LMBRD1: variants seen among roughly 807,000 people sequenced by gnomAD.
LMBRD1 encodes the protein lysosomal cobalamin transport escort protein LMBD1.
LMBRD1 carries 64 observed loss-of-function variants against 74.8 expected under a neutral mutation model. The observed-to-expected ratio is 0.86, with a 90% CI of 0.70 to 1.05. LMBRD1 has a LOEUF of 1.05. LMBRD1 is among the 50% of genes least tolerant of loss of function. LMBRD1 has a pLI of 0.00. For synonymous variants in LMBRD1, 204 were observed against 216.3 expected (o/e 0.94, Z 0.50); for missense variants, 652 against 645.9 (o/e 1.01, Z -0.10).
intron 8 of LMBRD1, among the ~76,000 whole-genome samples, chr6:69,717,307 T>C (rs1582082162): frequency 6.6e-6 from 1 of 152,264 alleles, no homozygotes; most frequent in East Asian, 1.9e-4. Context: ...TCCATGCTTA[T>C]ATGTAAATTC....
chr6:69,722,601 C>CAGTGTTAA (rs56961497), intron 7 of LMBRD1, among the ~76,000 whole-genome samples: 17,551 of 151,982 alleles, frequency 0.12, 2,797 homozygotes, highest in African/African-American at 0.36. Context: ...TATATGTAGT[C>CAGTGTTAA]AGTGTTAAGT....
chr6:69,710,856 G>T (rs1026285594), intron 9 of LMBRD1, among the ~76,000 whole-genome samples: 1 of 152,146 alleles, frequency 6.6e-6, no homozygotes. Flanking sequence ...TCTTATTGCT[G>T]TGGGAATGCA....
intron 14 of LMBRD1, among the ~76,000 whole-genome samples, chr6:69,688,077 A>ATATTTATATTTAG (rs1386792609): frequency 2.6e-5 from 4 of 152,136 alleles, no homozygotes; most frequent in African/African-American, 9.6e-5. Context: ...GACTACCATT[A>ATATTTATATTTAG]GGCTCACAGT....
intron 7 of LMBRD1, among the ~76,000 whole-genome samples, chr6:69,724,311 T>C (rs571453949): frequency 1.7e-4 from 25 of 143,674 alleles, no homozygotes; most frequent in Non-Finnish European, 3.0e-4. Context: ...TCTAGTTTCA[T>C]TCTATAAGAC....
intron 3 of LMBRD1, among the ~76,000 whole-genome samples, chr6:69,777,192 C>T (rs1765723264): frequency 6.6e-6 from 1 of 152,004 alleles, no homozygotes; most frequent in African/African-American, 2.4e-5. Flanking sequence ...TGGCTCCCAT[C>T]TGTAATCCCA....
chr6:69,756,929 C>A (rs926440325), intron 3 of LMBRD1, among the ~76,000 whole-genome samples: 1 of 152,118 alleles, frequency 6.6e-6, no homozygotes, highest in Non-Finnish European at 1.5e-5. Context: ...AGGAGTTAGT[C>A]AAAGGTAAGC....
At chr6:69,778,620 T>C (rs564966353) in intron 3 of LMBRD1, among the ~76,000 whole-genome samples, 2 of 152,166 alleles carry the variant, frequency 1.3e-5, no homozygotes, top group Non-Finnish European at 2.9e-5. Context: ...CACTTTAGTG[T>C]CATACAGGTG....
At chr6:69,757,433 G>A (rs1371521413) in intron 3 of LMBRD1, among the ~76,000 whole-genome samples, 1 of 152,172 alleles carries the variant, frequency 6.6e-6, no homozygotes, top group African/African-American at 2.4e-5. Flanking sequence ...AGTAGTCAAT[G>A]ATTCAAAATA....
chr6:69,705,558 T>TG, intron 9 of LMBRD1: 3 of 1,270,874 alleles, frequency 2.4e-6, no homozygotes, highest in South Asian at 2.4e-5. Context: ...ATTTGGCTTT[T>TG]GTGCATTTTT....
intron 7 of LMBRD1, among the ~76,000 whole-genome samples, chr6:69,726,164 T>G (rs1190269098): frequency 6.6e-6 from 1 of 152,090 alleles, no homozygotes; most frequent in African/African-American, 2.4e-5. Context: ...GAAATGCAAA[T>G]CAAAACTGAG....
chr6:69,733,861 G>A (rs1251188936), intron 7 of LMBRD1, among the ~76,000 whole-genome samples: 1 of 152,148 alleles, frequency 6.6e-6, no homozygotes, highest in Admixed American at 6.5e-5. Flanking sequence ...ACTGAGAGAG[G>A]AAAGAGGTGG....
At chr6:69,729,090 C>A (rs781127069) in intron 7 of LMBRD1, among the ~76,000 whole-genome samples, 35 of 151,604 alleles carry the variant, frequency 2.3e-4, no homozygotes, top group African/African-American at 7.3e-4. Flanking sequence ...CTGATCCCTA[C>A]CAACTTGTTA....
intron 7 of LMBRD1, among the ~76,000 whole-genome samples, chr6:69,735,211 T>C (rs7761441): frequency 0.016 from 2,464 of 152,322 alleles, 54 homozygotes; most frequent in African/African-American, 0.055. Context: ...GAACCAACAC[T>C]GGACAGGATG....
chr6:69,723,861 T>C (rs1229558741), intron 7 of LMBRD1, among the ~76,000 whole-genome samples: 4 of 151,610 alleles, frequency 2.6e-5, no homozygotes, highest in South Asian at 4.2e-4. Flanking sequence ...ATAAAAAAGA[T>C]AGATGAAACA....
rs1279018450 is a variant in LMBRD1 at position 69,796,916 on chromosome 6, G to A, written c.-35C>T. 21 of 1,604,916 alleles carry A rather than the reference G, an allele frequency of 1.3e-5. No individual in the cohort carries two copies. Among genetic ancestry groups the A allele is most frequent in the Non-Finnish European group, 1.4e-5 (17 of 1,173,264 alleles). On this transcript the variant is annotated 5_prime_UTR_variant, in exon 1 of 16. Coordinates refer to ENST00000649934, the MANE Select transcript of LMBRD1 (RefSeq NM_018368.4). ...CGGTCCAGACCAACCTGAGCGCCCG[G>A]GGTGGGGAAAGGGGAGGGGGAAAGG...
rs778063802 is a variant in LMBRD1, at chr6:69,697,619, T to A, written c.1361A>T (p.His454Leu). ...LIETNITSDNHKGNSTLSVPK... is the reference protein window; with the variant it reads ...LIETNITSDNLKGNSTLSVPK... ...CACAGAAAGGGTTGAATTGCCTTTA[T>A]GATTATCAGAAGTTATATTAGTCTG... The change falls in exon 14 of 16, where the codon CAT becomes CTT. Residue 454 changes from histidine to leucine, a missense_variant. Around this residue, in one of 3 missense-constraint regions of LMBRD1, gnomAD observed 598 missense variants for 581.8 expected, o/e 1.03. Coordinates refer to ENST00000649934, the MANE Select transcript of LMBRD1 (RefSeq NM_018368.4). 8 of 1,598,844 alleles carry A rather than the reference T, an allele frequency of 5.0e-6. No individual in the cohort carries two copies. Among genetic ancestry groups the A allele is most frequent in the South Asian group, 1.1e-5 (1 of 90,726 alleles).
At chr6:69,763,544 G>A (rs1201866749) in intron 3 of LMBRD1, among the ~76,000 whole-genome samples, 1 of 152,132 alleles carries the variant, frequency 6.6e-6, no homozygotes, top group East Asian at 1.9e-4. Context: ...TACTCTACAA[G>A]ACATAAAAAG....
intron 14 of LMBRD1, among the ~76,000 whole-genome samples, chr6:69,684,485 C>T (rs1476939001): frequency 2.0e-5 from 3 of 151,874 alleles, no homozygotes; most frequent in African/African-American, 7.2e-5. Flanking sequence ...TAATATAATG[C>T]CTTTAAAGTT....
chr6:69,792,877 A>G lies in LMBRD1; in HGVS notation c.70-2405T>C, dbSNP rs375876462. ...TCAGGCAGACAAGCTAGGAAACGGC[A>G]ACCAGGCAGAAGAGTTAAGCCAGAG... On this transcript the variant is annotated intron_variant, in intron 1 of 15. Coordinates refer to ENST00000649934, the MANE Select transcript of LMBRD1 (RefSeq NM_018368.4). 2.8e-4 allele frequency among the ~76,000 whole-genome samples: 42 copies of G among 152,338 alleles called. No homozygotes were observed. In the East Asian group the frequency reaches 7.7e-3, roughly 28 times the overall value.
Sources: allele counts gnomAD v4.1 joint callset (sites outside exome capture counted in the v4.1 genomes callset), GRCh38; gene constraint gnomAD v4.1.1; regional missense constraint gnomAD v4.1.1; transcripts MANE v1.5; gene names NCBI Gene and HGNC (gene_info 2026-07-23, HGNC 2026-07-21).